The following RFX3 variants were observed in gnomAD, a reference collection of about 807,000 sequenced individuals.
RFX3 encodes the protein transcription factor RFX3.
Under a neutral mutation model 98.6 loss-of-function variants are expected in RFX3, and 14 were observed. The ratio of observed to expected loss-of-function variants is 0.14; its 90% confidence interval spans 0.09 to 0.22. The LOEUF (loss-of-function observed/expected upper bound fraction) is 0.22, where lower values mean the gene tolerates loss of function less well. Among genes scored for constraint, RFX3 ranks in the 10% least tolerant of loss-of-function variants. The pLI is 1.00. For missense variants in RFX3, 639 were observed against 926.9 expected (o/e 0.69, Z 4.03); for synonymous variants, 383 against 328.4 (o/e 1.17, Z -1.80).
At chr9:3,353,153 C>G (rs1180098625) in intron 2 of RFX3, among the ~76,000 whole-genome samples, 1 of 139,412 alleles carries the variant, frequency 7.2e-6, no homozygotes, top group Admixed American at 8.1e-5. Context: ...ACAATGAGAA[C>G]ACATGGACAC....
intron 4 of RFX3, among the ~76,000 whole-genome samples, chr9:3,304,033 A>G (rs545145942): frequency 3.3e-5 from 5 of 152,140 alleles, no homozygotes; most frequent in Admixed American, 6.6e-5. Context: ...AGCAAGAAAT[A>G]AAGACTGAGT....
intron 1 of RFX3, among the ~76,000 whole-genome samples, chr9:3,429,277 C>A (rs1844423484): frequency 6.6e-6 from 1 of 151,160 alleles, no homozygotes; most frequent in Non-Finnish European, 1.5e-5. Context: ...CCGTCTCGGC[C>A]TCCCAAAGTG....
intron 4 of RFX3, among the ~76,000 whole-genome samples, chr9:3,327,565 A>C (rs2986677): frequency 0.017 from 2,515 of 151,844 alleles, 72 homozygotes; most frequent in African/African-American, 0.057. Flanking sequence ...CTTTTTTTTT[A>C]ATTTTTATAC....
chr9:3,293,586 T>A (rs1827648035), intron 5 of RFX3, among the ~76,000 whole-genome samples: 1 of 152,154 alleles, frequency 6.6e-6, no homozygotes, highest in African/African-American at 2.4e-5. Context: ...CGTTAACTGG[T>A]CATAAATATC....
At chr9:3,368,425 G>C (rs1490548545) in intron 2 of RFX3, among the ~76,000 whole-genome samples, 1 of 152,066 alleles carries the variant, frequency 6.6e-6, no homozygotes, top group African/African-American at 2.4e-5. Flanking sequence ...TAAAAAATTA[G>C]TGAATATTAA....
chr9:3,258,250 A>C (rs1937400460), intron 13 of RFX3, among the ~76,000 whole-genome samples: 1 of 152,168 alleles, frequency 6.6e-6, no homozygotes, highest in African/African-American at 2.4e-5. Flanking sequence ...ATTTCTTTGG[A>C]GAAGTGTCTG....
intron 13 of RFX3, among the ~76,000 whole-genome samples, chr9:3,261,630 G>C (rs980001385): frequency 1.3e-4 from 20 of 152,040 alleles, no homozygotes. Flanking sequence ...AGTTTTGTGT[G>C]GACATGATTT....
At chr9:3,443,390 G>C (rs539484620) in intron 1 of RFX3, among the ~76,000 whole-genome samples, 9 of 152,204 alleles carry the variant, frequency 5.9e-5, no homozygotes, top group African/African-American at 1.9e-4. Context: ...AGTGAATGTT[G>C]TTCCCCTCCA....
chr9:3,369,986 G>GCA (rs1563999673), intron 2 of RFX3, among the ~76,000 whole-genome samples: 2 of 146,086 alleles, frequency 1.4e-5, no homozygotes, highest in Non-Finnish European at 3.0e-5. Flanking sequence ...CCGCCACTAC[G>GCA]CCCGGCTAAT....
rs1423480748 is a variant in RFX3, at chr9:3,277,396, C to G, written c.917G>C (p.Gly306Ala). 3.1e-6 allele frequency: 5 copies of G among 1,612,770 alleles called. No homozygotes were observed. The highest frequency in any genetic ancestry group is 2.2e-5 in the South Asian group (2 of 91,056). ...DGFTGSGQQT[G>A]TSVEQTVIAQ... is the part of the protein sequence containing the mutation. The stretch of plus-strand genomic sequence containing the variant: ...AATTACAGTTTGCTCAACAGATGTG[C>G]CTGTCTGTTGACCACTTCCTGTGAA... The change falls in exon 8 of 17, where the codon GGC (glycine) becomes GCC (alanine). Residue 306 changes from glycine (G) to alanine (A), a missense_variant. Coordinates refer to ENST00000617270, the MANE Select transcript of RFX3 (RefSeq NM_001282116.2).
intron 2 of RFX3, among the ~76,000 whole-genome samples, chr9:3,374,162 A>G (rs1014447830): frequency 6.6e-6 from 1 of 152,162 alleles, no homozygotes; most frequent in East Asian, 1.9e-4. Context: ...GTTACTGTCA[A>G]GAAAAGAGAA....
Position 3,324,244 on chromosome 9 carries a change from G to A in RFX3, c.474+6015C>T, listed in dbSNP as rs1831636471. ...TAAATTATTTTAAATAGAAATTACT[G>A]TTTTGTCACATAAAATAAGAACTGT... On this transcript the variant is annotated intron_variant, in intron 4 of 16. Transcript: ENST00000617270. 1.5e-5 allele frequency: 3 copies of A among 203,284 alleles called. 1 individual carries two copies. Among genetic ancestry groups the A allele is most frequent in the Middle Eastern group, 1.8e-3 (2 of 1,112 alleles). The allele number at this position is 203,284 out of a possible 1,614,324, so 12.6% of individuals were successfully genotyped here.
At chr9:3,301,752 T>A in intron 4 of RFX3, 132 bp from the exon 5 acceptor site, 2 of 562,626 alleles carry the variant, frequency 3.6e-6, no homozygotes, top group South Asian at 5.8e-5. Flanking sequence ...TGCCACTTAA[T>A]GTGTTTTCTC....
chr9:3,415,041 T>C (rs1207692251), intron 1 of RFX3, among the ~76,000 whole-genome samples: 2 of 129,496 alleles, frequency 1.5e-5, no homozygotes, highest in African/African-American at 6.4e-5. Context: ...TACTTTTATA[T>C]ATATACTTAT....
chr9:3,433,419 G>C (rs1844835290), intron 1 of RFX3, among the ~76,000 whole-genome samples: 1 of 152,110 alleles, frequency 6.6e-6, no homozygotes, highest in African/African-American at 2.4e-5. Context: ...TTTCTTGGTA[G>C]CATTTTCTTC....
rs934693089 is a variant in RFX3 at position 3,224,216 on chromosome 9, T to A, written c.*826A>T. The A allele has an allele frequency of 1.3e-5, 2 of 151,996 alleles. No individual in the cohort carries two copies. Among genetic ancestry groups the A allele is most frequent in the African/African-American group, 4.8e-5 (2 of 41,366 alleles). The allele number at this position is 151,996 out of a possible 1,614,324, so 9.4% of individuals were successfully genotyped here. A position where few individuals can be genotyped will look rare whatever the true frequency, so the allele number is the denominator to read the frequency against. On this transcript the variant is annotated 3_prime_UTR_variant, in exon 17 of 17. Transcript: ENST00000617270. ...TTTTTTCTGCTTCAGTATCTAACTA[T>A]AACAGCCCCCACTTAACAGCAGAAT... is the stretch of plus-strand genomic sequence containing the variant.
intron 1 of RFX3, among the ~76,000 whole-genome samples, chr9:3,467,199 GTA>G (rs1488992357): frequency 1.5e-5 from 2 of 135,368 alleles, no homozygotes; most frequent in Non-Finnish European, 3.0e-5. Flanking sequence ...CATATATAAT[GTA>G]TGTGTATATA....
chr9:3,365,295 C>CAAAAAAAAAAAA, intron 2 of RFX3, among the ~76,000 whole-genome samples: 1 of 62,498 alleles, frequency 1.6e-5, no homozygotes, highest in Non-Finnish European at 3.9e-5. Context: ...AGACTCATCT[C>CAAAAAAAAAAAA]AAAAAAAAAA....
intron 2 of RFX3, among the ~76,000 whole-genome samples, chr9:3,351,036 G>C (rs961431334): frequency 4.6e-5 from 7 of 151,692 alleles, no homozygotes; most frequent in Non-Finnish European, 7.4e-5. Context: ...TTATACATTT[G>C]TTCAAAACCA....
Sources: allele counts gnomAD v4.1 joint callset (sites outside exome capture counted in the v4.1 genomes callset), GRCh38; gene constraint gnomAD v4.1.1; transcripts MANE v1.5; gene names NCBI Gene and HGNC (gene_info 2026-07-23, HGNC 2026-07-21).